The following ZBTB20 variants were observed in gnomAD, a reference collection of about 807,000 sequenced individuals.
ZBTB20 encodes the protein zinc finger and BTB domain-containing protein 20.
A neutral mutation model predicts 56.9 loss-of-function variants in ZBTB20; 9 were observed. That is an observed-to-expected ratio of 0.16 (90% CI 0.10 to 0.28). The LOEUF is 0.28. Among genes scored for constraint, ZBTB20 ranks in the 10% least tolerant of loss-of-function variants. The pLI, the probability that ZBTB20 is intolerant of heterozygous loss-of-function variation, is 1.00. For missense variants in ZBTB20, 655 were observed against 1,003.0 expected, an observed-to-expected ratio of 0.65 and a Z score of 4.69; for synonymous variants, 417 against 420.7, an observed-to-expected ratio of 0.99 and a Z score of 0.11.
At chr3:114,474,117 G>T (rs1470917529) in intron 7 of ZBTB20, among the ~76,000 whole-genome samples, 1 of 152,280 alleles carries the variant, frequency 6.6e-6, no homozygotes, top group African/African-American at 2.4e-5. Flanking sequence ...GAATAGCACA[G>T]GAAAGACAAG....
intron 6 of ZBTB20, among the ~76,000 whole-genome samples, 195 bp from the exon 7 acceptor site, chr3:114,500,586 T>C (rs1357015464): frequency 6.6e-6 from 1 of 152,150 alleles, no homozygotes; most frequent in Non-Finnish European, 1.5e-5. Flanking sequence ...AAAAACTTTC[T>C]AAAGGTATGA....
intron 6 of ZBTB20, among the ~76,000 whole-genome samples, chr3:114,623,327 C>T (rs562549960): frequency 1.1e-4 from 16 of 152,136 alleles, no homozygotes; most frequent in Non-Finnish European, 1.8e-4. Context: ...TCCATTCCTT[C>T]GACAACTTCC....
intron 2 of ZBTB20, among the ~76,000 whole-genome samples, chr3:114,976,046 T>C (rs1410916658): frequency 6.6e-6 from 1 of 152,214 alleles, no homozygotes; most frequent in African/African-American, 2.4e-5. Context: ...TTAAATCATG[T>C]ACACCAAATT....
chr3:114,835,551 CA>C (rs1298183195), intron 4 of ZBTB20, among the ~76,000 whole-genome samples: 1 of 152,066 alleles, frequency 6.6e-6, no homozygotes, highest in African/African-American at 2.4e-5. Flanking sequence ...CTATACAATA[CA>C]ATTTAATTTT....
At chr3:115,061,657 CT>C in intron 2 of ZBTB20, among the ~76,000 whole-genome samples, 1 of 152,192 alleles carries the variant, frequency 6.6e-6, no homozygotes, top group East Asian at 1.9e-4. Flanking sequence ...TCTGAGGTGA[CT>C]TTTCAAATCT....
intron 1 of ZBTB20, among the ~76,000 whole-genome samples, chr3:115,104,675 A>T (rs1388566987): frequency 6.6e-6 from 1 of 152,196 alleles, no homozygotes; most frequent in South Asian, 2.1e-4. Context: ...AACCATGGAG[A>T]CAGCAAAAAC....
chr3:114,468,841 A>T (rs2092648497), intron 7 of ZBTB20, among the ~76,000 whole-genome samples: 1 of 151,994 alleles, frequency 6.6e-6, no homozygotes, highest in Admixed American at 6.6e-5. Context: ...AGGGTGGAAG[A>T]GCAAATGAGT....
intron 7 of ZBTB20, among the ~76,000 whole-genome samples, chr3:114,393,641 C>T (rs746361655): frequency 5.9e-5 from 9 of 152,182 alleles, no homozygotes; most frequent in Non-Finnish European, 1.2e-4. Flanking sequence ...AGAATGACTT[C>T]ATGGGGTTTC....
Position 114,630,139 on chromosome 3 carries a change from TAA to T in ZBTB20, c.-295+63387_-295+63388del, listed in dbSNP as rs956350890. Among the ~76,000 whole-genome samples the T allele has an allele frequency of 2.6e-5, 4 of 151,988 alleles. No homozygotes were observed. The East Asian group carries it at 7.7e-4, about 29-fold the overall frequency. On this transcript the variant is annotated intron_variant, in intron 6 of 11. Coordinates refer to ENST00000675478, the MANE Select transcript of ZBTB20 (RefSeq NM_001348800.3). Reference sequence around the variant, plus strand: ...TGGGTGACAAAGCGAGACCTTGTCTTAAAAAATAAAAAAGAATAGAAGAATAA... The same window carrying T: ...TGGGTGACAAAGCGAGACCTTGTCTTAAAATAAAAAAGAATAGAAGAATAA...
intron 2 of ZBTB20, among the ~76,000 whole-genome samples, chr3:114,985,859 T>G (rs914937906): frequency 3.3e-5 from 5 of 152,104 alleles, no homozygotes; most frequent in Non-Finnish European, 7.4e-5. Flanking sequence ...ATAATAAATA[T>G]TTTAGCCTTT....
chr3:114,603,435 A>G (rs2056911049), intron 6 of ZBTB20, among the ~76,000 whole-genome samples: 1 of 151,996 alleles, frequency 6.6e-6, no homozygotes, highest in South Asian at 2.1e-4. Flanking sequence ...ATCTTTCAAT[A>G]TAAAAAATGA....
intron 6 of ZBTB20, among the ~76,000 whole-genome samples, chr3:114,590,230 G>A (rs2055604125): frequency 6.6e-6 from 1 of 152,052 alleles, no homozygotes; most frequent in Non-Finnish European, 1.5e-5. Context: ...CGAGGCGGGC[G>A]GATCACCTGA....
At chr3:114,913,514 T>C (rs2075623841) in intron 3 of ZBTB20, among the ~76,000 whole-genome samples, 1 of 152,102 alleles carries the variant, frequency 6.6e-6, no homozygotes, top group East Asian at 1.9e-4. Flanking sequence ...TTGCAAACAC[T>C]TTCTCTCATT....
chr3:114,564,111 G>T (rs1459043683), intron 6 of ZBTB20, among the ~76,000 whole-genome samples: 1 of 152,050 alleles, frequency 6.6e-6, no homozygotes, highest in Non-Finnish European at 1.5e-5. Context: ...CAGCAACGCA[G>T]CATCTTTCAA....
intron 3 of ZBTB20, among the ~76,000 whole-genome samples, chr3:114,935,055 A>G (rs888674235): frequency 5.9e-5 from 9 of 152,174 alleles, no homozygotes; most frequent in African/African-American, 2.2e-4. Context: ...TGAACCATCA[A>G]CTTTAAGAGA....
At chr3:114,460,243 TGTA>T (rs2109120630) in intron 7 of ZBTB20, among the ~76,000 whole-genome samples, 1 of 152,272 alleles carries the variant, frequency 6.6e-6, no homozygotes, top group South Asian at 2.1e-4. Context: ...ATATTCCTAA[TGTA>T]GTCTGATAAA....
intron 3 of ZBTB20, among the ~76,000 whole-genome samples, chr3:114,953,161 T>C (rs1293962796): frequency 6.6e-6 from 1 of 151,764 alleles, no homozygotes; most frequent in Non-Finnish European, 1.5e-5. Context: ...CTAAGAAGAG[T>C]ATAAAAAGAT....
chr3:114,429,172 T>A lies in ZBTB20; in HGVS notation c.-254-40067A>T, dbSNP rs72950661. On this transcript the variant is annotated intron_variant, in intron 7 of 11. Coordinates refer to ENST00000675478, the MANE Select transcript of ZBTB20 (RefSeq NM_001348800.3). ...ACAGTTACTGAACTCTGTGTGCAAG[T>A]ATTATAAAAGTAAAAAAGTACGATT... 3.0e-4 allele frequency among the ~76,000 whole-genome samples: 45 copies of A among 152,302 alleles called. 1 individual carries two copies. The highest frequency in any genetic ancestry group is 9.9e-4 in the African/African-American group (41 of 41,570).
Position 114,338,055 on chromosome 3 carries a change from C to T in ZBTB20, c.*950G>A, listed in dbSNP as rs1303673986. ...TTATTGTTCCCCCCACCCTCCATTT[C>T]TTTTTCTTTTTCTCTTCCACAAGAA... On this transcript the variant is annotated 3_prime_UTR_variant, in exon 12 of 12. Coordinates refer to ENST00000675478, the MANE Select transcript of ZBTB20 (RefSeq NM_001348800.3). 1 of 150,234 alleles carries T rather than the reference C, an allele frequency of 6.7e-6. No individual in the cohort carries two copies. The highest frequency in any genetic ancestry group is 2.5e-5 in the African/African-American group (1 of 40,780). The allele number at this position is 150,234 out of a possible 1,614,324, so 9.3% of individuals were successfully genotyped here.
Sources: allele counts gnomAD v4.1 joint callset (sites outside exome capture counted in the v4.1 genomes callset), GRCh38; gene constraint gnomAD v4.1.1; transcripts MANE v1.5; gene names NCBI Gene and HGNC (gene_info 2026-07-23, HGNC 2026-07-21).